Variants in MSC observed in about 807,000 individuals in gnomAD.
MSC encodes the protein activated B-cell factor 1, homolog of mouse musculin.
Under a neutral mutation model 14.4 loss-of-function variants are expected in MSC, and 16 were observed. The ratio of observed to expected loss-of-function variants is 1.11; its 90% CI spans 0.75 to 1.69. MSC has a LOEUF of 1.69. Ranked by LOEUF, MSC falls within the 40% of genes most tolerant of loss-of-function variation. MSC has a pLI of 0.00. For synonymous variants in MSC, 165 were observed against 128.5 expected (o/e 1.28, Z -1.92); for missense variants, 320 against 288.1 (o/e 1.11, Z -0.80).
rs1277065680 is a variant in MSC at position 71,844,129 on chromosome 8, A to G, written c.50T>C (p.Leu17Pro). The G allele has an allele frequency of 2.0e-6, 3 of 1,526,256 alleles. No homozygotes were observed. The allele number at this position is 1,526,256 out of a possible 1,614,324, so 94.5% of individuals were successfully genotyped here. A position where few individuals can be genotyped will look rare whatever the true frequency, so the allele number is the denominator to read the frequency against. ...SDPEEMELRG[L>P]QREYPVPASK... ...GGCGGGGACCGGGTACTCCCGCTGC[A>G]GCCCCCGAAGCTCCATCTCCTCCGG... The change falls in exon 1 of 2, where the codon CTG (leucine) becomes CCG (proline). Residue 17 changes from leucine (L) to proline (P), a missense_variant. By Grantham distance (98) the Leu-to-Pro change is moderately conservative. Transcript: ENST00000325509.
intron 1 of MSC, 124 bp downstream of exon 1, chr8:71,843,521 T>C: frequency 7.9e-7 from 1 of 1,268,392 alleles, no homozygotes; most frequent in Non-Finnish European, 1.1e-6. Flanking sequence ...GGCCTTCTCG[T>C]TCCCAGTCCC....
At chr8:71,843,231 A>C in intron 1 of MSC, 1 of 326,886 alleles carries the variant, frequency 3.1e-6, no homozygotes, top group South Asian at 3.1e-5. Flanking sequence ...CTAAAAATGC[A>C]AATGCTCTTT....
In MSC at chr8:71,844,092, C is replaced by T. The variant is rs1035649999; in HGVS notation, c.87G>A (p.Pro29=). Residue 29 remains proline (P), a synonymous_variant, in exon 1 of 2, where the codon CCG becomes CCA. Transcript: ENST00000325509. ...REYPVPASKR[P]PLRGVERSYA... is the part of the protein sequence containing the mutation. ...AGCTGCGCTCTACGCCGCGGAGGGG[C>T]GGCCTCTTGGAGGCGGGGACCGGGT... 27 of 1,520,502 alleles carry T rather than the reference C, an allele frequency of 1.8e-5. No homozygotes were observed. Among genetic ancestry groups the T allele is most frequent in the Non-Finnish European group, 2.2e-5 (25 of 1,135,462 alleles). 94.2% of individuals were successfully genotyped at this position (1,520,502 alleles called of 1,614,324 possible). A position where few individuals can be genotyped will look rare whatever the true frequency, so the allele number is the denominator to read the frequency against.
At position 71,841,867 on chromosome 8, in the gene MSC, A is replaced by T. The variant is rs756146172; in HGVS notation, c.*794T>A. 2 of 152,906 alleles carry T rather than the reference A, an allele frequency of 1.3e-5. No individual in the cohort carries two copies. The highest frequency in any genetic ancestry group is 2.9e-5 in the Non-Finnish European group (2 of 68,594). 9.5% of individuals were successfully genotyped at this position (152,906 alleles called of 1,614,324 possible). On this transcript the variant is annotated 3_prime_UTR_variant, in exon 2 of 2. Transcript: ENST00000325509. Reference sequence around the variant, plus strand: ...GAGAGGGAGGCCCGAAGAAGACCCCACACAGGTTGGCGCAGCGGGGCTTGG... The same window carrying T: ...GAGAGGGAGGCCCGAAGAAGACCCCTCACAGGTTGGCGCAGCGGGGCTTGG...
At position 71,842,330 on chromosome 8, in the gene MSC, G is replaced by A; in HGVS notation, c.*331C>T. On this transcript the variant is annotated 3_prime_UTR_variant, in exon 2 of 2. Transcript: ENST00000325509. ...CTGGCTCCGCTGAGAACGGATCCGTGGGCTGTCTGGCGCGGGCTGGGGCAG... is the reference window on the plus strand; with the variant it reads ...CTGGCTCCGCTGAGAACGGATCCGTAGGCTGTCTGGCGCGGGCTGGGGCAG... The A allele has an allele frequency of 2.8e-6, 1 of 354,856 alleles. No individual in the cohort carries two copies. Among genetic ancestry groups the A allele is most frequent in the Non-Finnish European group, 5.5e-6 (1 of 182,776 alleles). The allele number at this position is 354,856 out of a possible 1,614,324, so 22.0% of individuals were successfully genotyped here. A position where few individuals can be genotyped will look rare whatever the true frequency, so the allele number is the denominator to read the frequency against.
intron 1 of MSC, chr8:71,842,991 T>A: frequency 1.1e-5 from 5 of 441,232 alleles, no homozygotes; most frequent in Non-Finnish European, 2.1e-5. Flanking sequence ...TTGGTGAAAC[T>A]CATCTGACTT....
chr8:71,843,773 A>C lies in MSC; in HGVS notation c.406T>G (p.Trp136Gly). Residue 136 changes from tryptophan to glycine, a missense_variant, in exon 1 of 2, where the codon TGG becomes GGG. Physicochemically the swap from Trp to Gly is radical, Grantham distance 184. Transcript: ENST00000325509. ...GAGAGCTTAGTGTCGGGGGGCACCC[A>C]GGGCAGGCTGGTCTTGAGCCTGGAG... ...AFSRLKTSLP[W>G]VPPDTKLSKL... 1.2e-6 allele frequency: 2 copies of C among 1,614,022 alleles called. No homozygotes were observed. Among genetic ancestry groups the C allele is most frequent in the South Asian group, 2.2e-5 (2 of 91,082 alleles).
Position 71,842,716 on chromosome 8 carries a change from T to C in MSC, c.566A>G (p.Asp189Gly). Reference protein sequence around the residue: ...TWPFVVSGRPDSDTKEVSAAN... With the variant: ...TWPFVVSGRPGSDTKEVSAAN... Reference sequence around the variant, plus strand: ...TGCGGAAACTTCTTTGGTGTCAGAGTCCGGTCTTCCCGAGACCACGAATGG... The same window carrying C: ...TGCGGAAACTTCTTTGGTGTCAGAGCCCGGTCTTCCCGAGACCACGAATGG... The change falls in exon 2 of 2, where the codon GAC (aspartate) becomes GGC (glycine). Residue 189 changes from aspartate (D) to glycine (G), a missense_variant. Asp to Gly is a moderately conservative substitution (Grantham distance 94). Transcript: ENST00000325509. The C allele has an allele frequency of 6.2e-7, 1 of 1,613,898 alleles. No homozygotes were observed. Among genetic ancestry groups the C allele is most frequent in the Non-Finnish European group, 8.5e-7 (1 of 1,179,978 alleles).
chr8:71,842,276 T>G lies in MSC; in HGVS notation c.*385A>C, dbSNP rs1199437803. 7.0e-6 allele frequency: 2 copies of G among 285,582 alleles called. No homozygotes were observed. The highest frequency in any genetic ancestry group is 1.4e-5 in the Non-Finnish European group (2 of 143,976). 17.7% of individuals were successfully genotyped at this position (285,582 alleles called of 1,614,324 possible). A position where few individuals can be genotyped will look rare whatever the true frequency, so the allele number is the denominator to read the frequency against. ...GTCACCGCGAAAGGCCGGGGCTGTG[T>G]GGAACCGTCCCGCACGTGTGCGATG... On this transcript the variant is annotated 3_prime_UTR_variant, in exon 2 of 2. Coordinates refer to ENST00000325509, the MANE Select transcript of MSC (RefSeq NM_005098.4).
chr8:71,844,062 G>GTA lies in MSC; in HGVS notation c.116_117insTA (p.Ser40ThrfsTer85). ...CTGCCGACGAGTTGTCACTGGGCGA[G>GTA]GCGTAGCTGCGCTCTACGCCGCGGA... On this transcript the variant is annotated frameshift_variant, in exon 1 of 2. Transcript: ENST00000325509. LOFTEE classifies it high-confidence loss of function. 1 of 1,524,824 alleles carries GTA rather than the reference G, an allele frequency of 6.6e-7. No individual in the cohort carries two copies. The highest frequency in any genetic ancestry group is 1.3e-5 in the South Asian group (1 of 76,152). The allele number at this position is 1,524,824 out of a possible 1,614,324, so 94.5% of individuals were successfully genotyped here. A position where few individuals can be genotyped will look rare whatever the true frequency, so the allele number is the denominator to read the frequency against.
Position 71,842,540 on chromosome 8 carries a change from G to C in MSC, c.*121C>G. On this transcript the variant is annotated 3_prime_UTR_variant, in exon 2 of 2. Coordinates refer to ENST00000325509, the MANE Select transcript of MSC (RefSeq NM_005098.4). ...GTCACGATCACAGTTCCAGGGAAAG[G>C]GGAAGGGTCAAGGAGAATCCAGCGG... is the stretch of plus-strand genomic sequence containing the variant. 1 of 952,024 alleles carries C rather than the reference G, an allele frequency of 1.1e-6. No homozygotes were observed. Among genetic ancestry groups the C allele is most frequent in the East Asian group, 2.5e-5 (1 of 40,732 alleles). 59.0% of individuals were successfully genotyped at this position (952,024 alleles called of 1,614,324 possible).
In MSC at chr8:71,844,018, C is replaced by G; in HGVS notation, c.161G>C (p.Gly54Ala). Reference protein sequence around the residue: ...NSSAEEEDPDGEEERCALGTA... With the variant: ...NSSAEEEDPDAEEERCALGTA... The stretch of plus-strand genomic sequence containing the variant: ...GCCCAGAGCGCAGCGCTCCTCCTCG[C>G]CGTCGGGGTCCTCCTCCTCTGCCGA... The change falls in exon 1 of 2, where the codon GGC becomes GCC. Residue 54 changes from glycine to alanine, a missense_variant. Gly to Ala is a moderately conservative substitution (Grantham distance 60, BLOSUM62 0). Coordinates refer to ENST00000325509, the MANE Select transcript of MSC (RefSeq NM_005098.4). 2 of 1,577,098 alleles carry G rather than the reference C, an allele frequency of 1.3e-6. No homozygotes were observed. Among genetic ancestry groups the G allele is most frequent in the Non-Finnish European group, 1.7e-6 (2 of 1,163,300 alleles).
intron 1 of MSC, 85 bp downstream of exon 1, chr8:71,843,560 C>T (rs1419465143): frequency 6.3e-7 from 1 of 1,585,912 alleles, no homozygotes; most frequent in Non-Finnish European, 8.6e-7. Context: ...GAATTCTTCC[C>T]AACGGGCTGA....
chr8:71,842,468 C>A lies in MSC; in HGVS notation c.*193G>T. On this transcript the variant is annotated 3_prime_UTR_variant, in exon 2 of 2. Transcript: ENST00000325509. Reference sequence around the variant, plus strand: ...AAAACGTGGTCGCCCAGATCCGGCGCAGCTGTAGCCGTGGGCGCTGTGCAG... The same window carrying A: ...AAAACGTGGTCGCCCAGATCCGGCGAAGCTGTAGCCGTGGGCGCTGTGCAG... 1.6e-6 allele frequency: 1 copy of A among 641,744 alleles called. No individual in the cohort carries two copies. The highest frequency in any genetic ancestry group is 2.8e-6 in the Non-Finnish European group (1 of 357,426). 39.8% of individuals were successfully genotyped at this position (641,744 alleles called of 1,614,324 possible). A position where few individuals can be genotyped will look rare whatever the true frequency, so the allele number is the denominator to read the frequency against.
chr8:71,843,272 A>C, intron 1 of MSC: 1 of 386,062 alleles, frequency 2.6e-6, no homozygotes. Flanking sequence ...CCTTTAAGAA[A>C]GGGCTTGCCG....
chr8:71,843,889 G>A lies in MSC; in HGVS notation c.290C>T (p.Ala97Val), dbSNP rs1354879000. 5 of 1,602,452 alleles carry A rather than the reference G, an allele frequency of 3.1e-6. No individual in the cohort carries two copies. The Admixed American group carries it at 8.5e-5, about 27-fold the overall frequency. Reference protein sequence around the residue: ...AGGGGKKPLPAKGSAAECKQS... With the variant: ...AGGGGKKPLPVKGSAAECKQS... ...CTTGCACTCTGCGGCTGAGCCCTTG[G>A]CCGGGAGGGGCTTCTTGCCACCACC... Residue 97 changes from alanine (A) to valine (V), a missense_variant, in exon 1 of 2, where the codon GCC becomes GTC. By Grantham distance (64) the Ala-to-Val change is moderately conservative. Transcript: ENST00000325509.
Position 71,842,637 on chromosome 8 carries a change from C to T in MSC, c.*24G>A. ...AAACACTCGCATTTAACGAATAATCCCATCAAGTGAGTTCCAGTCCGATTT... is the reference window on the plus strand; with the variant it reads ...AAACACTCGCATTTAACGAATAATCTCATCAAGTGAGTTCCAGTCCGATTT... On this transcript the variant is annotated 3_prime_UTR_variant, in exon 2 of 2. Coordinates refer to ENST00000325509, the MANE Select transcript of MSC (RefSeq NM_005098.4). 1.2e-6 allele frequency: 2 copies of T among 1,610,496 alleles called. No homozygotes were observed. The highest frequency in any genetic ancestry group is 1.7e-6 in the Non-Finnish European group (2 of 1,176,764).
At chr8:71,843,282 G>A (rs929271973) in intron 1 of MSC, 6 of 399,930 alleles carry the variant, frequency 1.5e-5, no homozygotes, top group Admixed American at 3.8e-5. Context: ...AGGGCTTGCC[G>A]ATTCAAACCT....
At chr8:71,843,006 G>A (rs574334023) in intron 1 of MSC, 19 of 380,232 alleles carry the variant, frequency 5.0e-5, no homozygotes, top group Non-Finnish European at 7.5e-5. Context: ...TGACTTTGAG[G>A]TTCTGTCGTT....
Sources: gnomAD v4.1 joint callset for allele counts on GRCh38, gnomAD v4.1.1 for gene constraint, MANE v1.5 for transcripts, NCBI Gene and HGNC (gene_info 2026-07-23, HGNC 2026-07-21) for gene names.